The following WDFY3 variants were observed in gnomAD, a reference collection of about 807,000 sequenced individuals.
WDFY3 encodes the protein WD repeat and FYVE domain containing 3.
Under a neutral mutation model 409.6 loss-of-function variants are expected in WDFY3, and 66 were observed. The ratio of observed to expected loss-of-function variants is 0.16; its 90% CI spans 0.13 to 0.20. The LOEUF (loss-of-function observed/expected upper bound fraction) is 0.20, where lower values mean the gene tolerates loss of function less well. Among genes scored for constraint, WDFY3 ranks in the 10% least tolerant of loss-of-function variants. The pLI is 1.00. For missense variants in WDFY3, 3,031 were observed against 4,298.1 expected, an observed-to-expected ratio of 0.71 and a Z score of 8.24; for synonymous variants, 1,521 against 1,537.1, an observed-to-expected ratio of 0.99 and a Z score of 0.25.
intron 2 of WDFY3, among the ~76,000 whole-genome samples, chr4:84,907,070 G>A (rs999076473): frequency 2.0e-5 from 3 of 152,108 alleles, no homozygotes; most frequent in Admixed American, 2.0e-4. Flanking sequence ...GATATGGAGG[G>A]CTGAATTTAT....
intron 2 of WDFY3, among the ~76,000 whole-genome samples, chr4:84,920,858 C>A (rs1452976383): frequency 6.6e-6 from 1 of 151,936 alleles, no homozygotes; most frequent in Non-Finnish European, 1.5e-5. Flanking sequence ...TCCAATCATA[C>A]CAAATTGGTG....
At chr4:84,806,673 C>T (rs1751561451) in intron 15 of WDFY3, among the ~76,000 whole-genome samples, 1 of 152,136 alleles carries the variant, frequency 6.6e-6, no homozygotes, top group African/African-American at 2.4e-5. Flanking sequence ...GTGCGGTGAT[C>T]TCGGCTCACT....
chr4:84,921,964 T>C (rs930408389), intron 2 of WDFY3, among the ~76,000 whole-genome samples: 10 of 151,848 alleles, frequency 6.6e-5, no homozygotes, highest in African/African-American at 2.4e-4. Flanking sequence ...CTGCTTTCAT[T>C]TTTAGATTTT....
intron 3 of WDFY3, among the ~76,000 whole-genome samples, chr4:84,891,395 T>C (rs968839788): frequency 1.3e-5 from 2 of 152,210 alleles, no homozygotes; most frequent in African/African-American, 4.8e-5. Context: ...CCTTATTATC[T>C]TTCAGGTGTA....
At chr4:84,887,407 C>T (rs1764379202) in intron 3 of WDFY3, among the ~76,000 whole-genome samples, 1 of 152,142 alleles carries the variant, frequency 6.6e-6, no homozygotes, top group Non-Finnish European at 1.5e-5. Flanking sequence ...GGTTTCTGCC[C>T]ATTGGCTTGT....
At chr4:84,688,318 C>T in intron 61 of WDFY3, 53 bp from the exon 62 acceptor site, 1 of 1,563,486 alleles carries the variant, frequency 6.4e-7, no homozygotes, top group South Asian at 1.2e-5. Context: ...GACAGGGTTC[C>T]ACAGTGACTC....
At chr4:84,910,666 T>C (rs1190597446) in intron 2 of WDFY3, among the ~76,000 whole-genome samples, 1 of 152,024 alleles carries the variant, frequency 6.6e-6, no homozygotes, top group Non-Finnish European at 1.5e-5. Context: ...GCTGAAACTA[T>C]AAAGTTCTTA....
At chr4:84,919,567 G>T (rs1038123284) in intron 2 of WDFY3, among the ~76,000 whole-genome samples, 4 of 152,116 alleles carry the variant, frequency 2.6e-5, no homozygotes, top group Non-Finnish European at 5.9e-5. Context: ...GGAGGGACCT[G>T]GTGGGAGGTA....
At position 84,740,334 on chromosome 4, in the gene WDFY3, G is replaced by C. The variant is rs2149221110; in HGVS notation, c.6317C>G (p.Ala2106Gly). 3.1e-6 allele frequency: 5 copies of C among 1,614,074 alleles called. No homozygotes were observed. The highest frequency in any genetic ancestry group is 4.2e-6 in the Non-Finnish European group (5 of 1,180,014). The change falls in exon 39 of 68, where the codon GCA (alanine) becomes GGA (glycine). Residue 2106 changes from alanine to glycine, a missense_variant. Coordinates refer to ENST00000295888, the MANE Select transcript of WDFY3 (RefSeq NM_014991.6). ...TACTTGCTGAGGAACGGTTTTGTGT[G>C]CCCGTGAGAACTGGTACAAGATGGT... ...NRTILYQFSR[A>G]HKTVPQQVAL...
At chr4:84,751,288 T>C in intron 36 of WDFY3, 195 bp downstream of exon 36, 1 of 618,866 alleles carries the variant, frequency 1.6e-6, no homozygotes, top group Non-Finnish European at 2.8e-6. Context: ...GAGACATCCT[T>C]GAGGGAAGGA....
chr4:84,692,992 C>T lies in WDFY3; in HGVS notation c.8942G>A (p.Arg2981Gln), dbSNP rs756387300. The T allele has an allele frequency of 4.3e-6, 7 of 1,611,378 alleles. No homozygotes were observed. Among genetic ancestry groups the T allele is most frequent in the Non-Finnish European group, 4.2e-6 (5 of 1,179,478 alleles). The part of the protein sequence containing the change: ...KPHPPKRVRS[R>Q]LNGDNAGISV... ...GATTCCTGCATTGTCTCCATTGAGT[C>T]GACTTCTCACTCGCTTTGGTGGATG... Residue 2981 changes from arginine (R) to glutamine (Q), a missense_variant, in exon 59 of 68, where the codon CGA becomes CAA. Arg to Gln is a conservative substitution (Grantham distance 43). Transcript: ENST00000295888.
intron 5 of WDFY3, among the ~76,000 whole-genome samples, chr4:84,843,572 A>AT (rs937062234): frequency 6.6e-6 from 1 of 151,932 alleles, no homozygotes; most frequent in Non-Finnish European, 1.5e-5. Context: ...TAAAAACAAA[A>AT]TTTTTTTGTA....
chr4:84,779,372 T>C (rs1346661737), intron 26 of WDFY3, among the ~76,000 whole-genome samples: 1 of 152,182 alleles, frequency 6.6e-6, no homozygotes, highest in Admixed American at 6.5e-5. Flanking sequence ...TTGTTCCTCT[T>C]CTTACAAGTG....
intron 2 of WDFY3, among the ~76,000 whole-genome samples, chr4:84,908,049 A>G (rs145088721): frequency 1.3e-3 from 194 of 152,258 alleles, no homozygotes; most frequent in African/African-American, 4.5e-3. Flanking sequence ...GGAGATATAT[A>G]TAAGTACCAG....
At chr4:84,716,545 C>T (rs901711056) in intron 49 of WDFY3, among the ~76,000 whole-genome samples, 7 of 151,488 alleles carry the variant, frequency 4.6e-5, no homozygotes, top group African/African-American at 1.7e-4. Flanking sequence ...GCCTGTAATC[C>T]CAGCACTTTG....
At chr4:84,821,012 G>T in intron 11 of WDFY3, 72 bp downstream of exon 11, 1 of 1,352,340 alleles carries the variant, frequency 7.4e-7, no homozygotes, top group Non-Finnish European at 1.0e-6. Context: ...CCAAAGAATG[G>T]GAACAAGAAC....
intron 4 of WDFY3, among the ~76,000 whole-genome samples, chr4:84,850,583 C>CT (rs1467471292): frequency 2.6e-5 from 4 of 152,188 alleles, no homozygotes; most frequent in Admixed American, 1.3e-4. Flanking sequence ...TCCCAAAGTG[C>CT]TGGGATTACA....
intron 24 of WDFY3, among the ~76,000 whole-genome samples, chr4:84,783,860 C>CAT (rs375618761): frequency 1.4e-5 from 2 of 139,942 alleles, no homozygotes; most frequent in South Asian, 2.4e-4. Flanking sequence ...ATGTGTCATA[C>CAT]ATACACACAC....
chr4:84,948,744 AC>A (rs1425065499), intron 1 of WDFY3, among the ~76,000 whole-genome samples: 1 of 152,088 alleles, frequency 6.6e-6, no homozygotes, highest in Non-Finnish European at 1.5e-5. Flanking sequence ...CTGCTTAGAC[AC>A]TTTTGGAGGT....
Sources: gnomAD v4.1 joint callset for allele counts (sites outside exome capture counted in the v4.1 genomes callset) on GRCh38, gnomAD v4.1.1 for gene constraint, MANE v1.5 for transcripts, NCBI Gene and HGNC (gene_info 2026-07-23, HGNC 2026-07-21) for gene names.